Variants in CSGALNACT1 observed in about 807,000 individuals in gnomAD.
CSGALNACT1 encodes beta4GalNAcT-1.
CSGALNACT1 carries 52 observed loss-of-function variants against 51.0 expected under a neutral mutation model. The observed-to-expected ratio is 1.02, with a 90% CI of 0.82 to 1.29. The LOEUF is 1.29. Among genes scored for constraint, CSGALNACT1 ranks in the 50% most tolerant of loss-of-function variants. The probability of loss-of-function intolerance (pLI) is 0.00; values close to 1 mark genes in which losing one functional copy is unlikely to be tolerated. For missense variants in CSGALNACT1, 935 were observed against 679.2 expected (o/e 1.38, Z -4.19); for synonymous variants, 341 against 254.4 (o/e 1.34, Z -3.24).
At chr8:19,405,257 T>A (rs1327677687) in exon 10 of CSGALNACT1, 2 of 453,504 alleles carry the variant, frequency 4.4e-6, no homozygotes, top group Non-Finnish European at 8.8e-6. Flanking sequence ...ATATTTATGG[T>A]TTCTTTTCTT....
chr8:19,679,607 C>T (rs1455456220), intron 1 of CSGALNACT1, among the ~76,000 whole-genome samples: 1 of 152,118 alleles, frequency 6.6e-6, no homozygotes, highest in Non-Finnish European at 1.5e-5. Flanking sequence ...AGCTAGGATA[C>T]TCGCTATTCT....
chr8:19,552,493 C>CT (rs951084071), intron 3 of CSGALNACT1, among the ~76,000 whole-genome samples: 5 of 151,968 alleles, frequency 3.3e-5, no homozygotes, highest in Admixed American at 6.6e-5. Context: ...GACCAAGTTT[C>CT]TTTTTTTTGT....
In CSGALNACT1 at chr8:19,556,036, G is replaced by A. The variant is rs191342234; in HGVS notation, c.-297+35124C>T. Reference sequence around the variant, plus strand: ...GAAGATAAGAACGATAACACTGAAAGTTGTGATGACAAGCGCAAGCAACAT... The same window carrying A: ...GAAGATAAGAACGATAACACTGAAAATTGTGATGACAAGCGCAAGCAACAT... On this transcript the variant is annotated intron_variant, in intron 3 of 9. Transcript: ENST00000454498. 1.4e-3 allele frequency among the ~76,000 whole-genome samples: 207 copies of A among 152,276 alleles called. 1 individual carries two copies. Among genetic ancestry groups the A allele is most frequent in the African/African-American group, 4.8e-3 (200 of 41,556 alleles).
At chr8:19,665,118 A>G (rs1006700434) in intron 1 of CSGALNACT1, among the ~76,000 whole-genome samples, 3 of 152,172 alleles carry the variant, frequency 2.0e-5, no homozygotes, top group East Asian at 1.9e-4. Flanking sequence ...AGTTCAAGCG[A>G]TTCTTCTCCA....
rs74529885 is a variant in CSGALNACT1 at position 19,560,278 on chromosome 8, C to G, written c.-297+30882G>C. On this transcript the variant is annotated intron_variant, in intron 3 of 9. Coordinates refer to ENST00000454498, the Ensembl canonical transcript of CSGALNACT1. ...TAAGCTTAAAGACTGCAAGATTAAACTCTAAAGCTTTTAAAATTTAATTTA... is the reference window on the plus strand; with the variant it reads ...TAAGCTTAAAGACTGCAAGATTAAAGTCTAAAGCTTTTAAAATTTAATTTA... Among the ~76,000 whole-genome samples the G allele has an allele frequency of 9.5e-3, 1,443 of 152,278 alleles. 74 individuals carry two copies. The East Asian group carries it at 0.14, about 15-fold the overall frequency.
chr8:19,405,677 A>G, exon 10 of CSGALNACT1: 1 of 1,438,868 alleles, frequency 6.9e-7, no homozygotes, highest in Non-Finnish European at 9.7e-7. Context: ...CCATCAGTCC[A>G]ATTCTTTTGT....
intron 1 of CSGALNACT1, among the ~76,000 whole-genome samples, chr8:19,630,298 T>C (rs1428797989): frequency 1.3e-5 from 2 of 151,900 alleles, no homozygotes; most frequent in Non-Finnish European, 2.9e-5. Flanking sequence ...TTGAGTTTCA[T>C]ATAATTTCTT....
chr8:19,408,469 T>A (rs377327539), intron 9 of CSGALNACT1, 144 bp downstream of exon 8: 31 of 152,796 alleles, frequency 2.0e-4, no homozygotes, highest in Non-Finnish European at 1.2e-5. Context: ...CTGGAATAGC[T>A]TTTTTTTTTT....
At chr8:19,539,694 T>C (rs531529015) in intron 3 of CSGALNACT1, among the ~76,000 whole-genome samples, 68 of 152,358 alleles carry the variant, frequency 4.5e-4, no homozygotes, top group African/African-American at 1.6e-3. Context: ...CACAGTGATA[T>C]GTGACACAGC....
intron 2 of CSGALNACT1, among the ~76,000 whole-genome samples, chr8:19,600,317 T>C (rs1186051416): frequency 6.6e-6 from 1 of 152,204 alleles, no homozygotes; most frequent in Non-Finnish European, 1.5e-5. Context: ...CTTGACCTTG[T>C]GATCCACCTG....
intron 1 of CSGALNACT1, among the ~76,000 whole-genome samples, chr8:19,729,717 C>T (rs538185804): frequency 6.6e-6 from 1 of 152,282 alleles, no homozygotes; most frequent in African/African-American, 2.4e-5. Context: ...GAACATGCTA[C>T]GAATGCCACA....
intron 4 of CSGALNACT1, among the ~76,000 whole-genome samples, chr8:19,466,749 C>T (rs1672856329): frequency 6.6e-6 from 1 of 152,210 alleles, no homozygotes; most frequent in African/African-American, 2.4e-5. Context: ...TGAAATGCAA[C>T]AGAAATTATC....
intron 4 of CSGALNACT1, among the ~76,000 whole-genome samples, chr8:19,469,149 G>C (rs1308008978): frequency 6.6e-6 from 1 of 152,166 alleles, no homozygotes; most frequent in Non-Finnish European, 1.5e-5. Context: ...TAGCACTTTG[G>C]GAGGCTGAGG....
At chr8:19,694,660 G>A (rs1210306214) in intron 1 of CSGALNACT1, among the ~76,000 whole-genome samples, 1 of 152,186 alleles carries the variant, frequency 6.6e-6, no homozygotes, top group Non-Finnish European at 1.5e-5. Context: ...AAGGGCATGG[G>A]TTCCCTTAAT....
rs563556067 is a variant in CSGALNACT1 at position 19,467,727 on chromosome 8, G to C, written c.635-9085C>G. On this transcript the variant is annotated intron_variant, in intron 4 of 9. Coordinates refer to ENST00000454498, the Ensembl canonical transcript of CSGALNACT1. ...GGTCCAGGCAGGGTGGCTCATGCCT[G>C]CAATCCCAGAATTTTGGGAGGCCAA... is the stretch of plus-strand genomic sequence containing the variant. 5.5e-4 allele frequency among the ~76,000 whole-genome samples: 83 copies of C among 152,200 alleles called. 1 individual carries two copies. In the South Asian group the frequency reaches 8.1e-3, roughly 15 times the overall value.
At chr8:19,496,607 T>G (rs2075510624) in intron 4 of CSGALNACT1, among the ~76,000 whole-genome samples, 1 of 152,278 alleles carries the variant, frequency 6.6e-6, no homozygotes, top group East Asian at 1.9e-4. Context: ...CACATAACCT[T>G]AGAATCCAAG....
At chr8:19,432,439 A>G (rs1018075723) in intron 6 of CSGALNACT1, among the ~76,000 whole-genome samples, 2 of 152,168 alleles carry the variant, frequency 1.3e-5, no homozygotes, top group African/African-American at 2.4e-5. Flanking sequence ...ATTTGGAGTT[A>G]AGATTATTAG....
chr8:19,549,378 C>T (rs972244907), intron 3 of CSGALNACT1, among the ~76,000 whole-genome samples: 1 of 152,062 alleles, frequency 6.6e-6, no homozygotes, highest in African/African-American at 2.4e-5. Flanking sequence ...CTATTAATAA[C>T]TGCTTCAATT....
At chr8:19,502,689 G>T (rs1038240445) in intron 4 of CSGALNACT1, among the ~76,000 whole-genome samples, 2 of 152,224 alleles carry the variant, frequency 1.3e-5, no homozygotes, top group Non-Finnish European at 2.9e-5. Context: ...GGAACCCAAA[G>T]AAGTTATTTT....
Sources: gnomAD v4.1 joint callset for allele counts (sites outside exome capture counted in the v4.1 genomes callset) on GRCh38, gnomAD v4.1.1 for gene constraint, MANE v1.5 for transcripts, NCBI Gene and HGNC (gene_info 2026-07-23, HGNC 2026-07-21) for gene names.